The following PTPN13 variants were observed in gnomAD, a reference collection of about 807,000 sequenced individuals.
PTPN13 encodes the protein protein tyrosine phosphatase non-receptor type 13, also known as tyrosine-protein phosphatase non-receptor type 13.
Under a neutral mutation model 284.0 loss-of-function variants are expected in PTPN13, and 191 were observed. The ratio of observed to expected loss-of-function variants is 0.67; its 90% CI spans 0.60 to 0.76. The LOEUF (loss-of-function observed/expected upper bound fraction) is 0.76, where lower values mean the gene tolerates loss of function less well. Ranked by LOEUF, PTPN13 falls within the 30% of genes least tolerant of loss-of-function variation. The pLI is 0.00. For missense variants in PTPN13, 2,797 were observed against 2,939.9 expected, an observed-to-expected ratio of 0.95 and a Z score of 1.12; for synonymous variants, 986 against 1,022.3, an observed-to-expected ratio of 0.96 and a Z score of 0.68.
chr4:86,703,494 G>A (rs1165090853), intron 7 of PTPN13, among the ~76,000 whole-genome samples: 1 of 150,946 alleles, frequency 6.6e-6, no homozygotes, highest in Non-Finnish European at 1.5e-5. Context: ...TTTTGAAATA[G>A]AAATAATGAA....
chr4:86,702,909 G>A (rs533538503), intron 7 of PTPN13, among the ~76,000 whole-genome samples: 4 of 152,108 alleles, frequency 2.6e-5, no homozygotes, highest in Admixed American at 6.5e-5. Flanking sequence ...TTTTAAGATC[G>A]TTATTCTAGT....
chr4:86,746,172 A>C (rs1305257507), intron 17 of PTPN13, among the ~76,000 whole-genome samples: 1 of 152,186 alleles, frequency 6.6e-6, no homozygotes, highest in Non-Finnish European at 1.5e-5. Flanking sequence ...CAGCAGAAGA[A>C]ACTCATCTGA....
intron 2 of PTPN13, among the ~76,000 whole-genome samples, chr4:86,643,934 G>A (rs1163598989): frequency 6.6e-6 from 1 of 151,910 alleles, no homozygotes; most frequent in Non-Finnish European, 1.5e-5. Context: ...TACAGCAACA[G>A]GAGGTTTACA....
At chr4:86,748,570 C>A (rs1172123325) in intron 17 of PTPN13, among the ~76,000 whole-genome samples, 1 of 152,048 alleles carries the variant, frequency 6.6e-6, no homozygotes, top group African/African-American at 2.4e-5. Flanking sequence ...TATTTTGCTT[C>A]TTTGATTACA....
At chr4:86,765,273 C>T (rs1296155488) in intron 25 of PTPN13, 122 bp from the exon 26 acceptor site, 3 of 668,086 alleles carry the variant, frequency 4.5e-6, no homozygotes, top group Admixed American at 4.9e-5. Flanking sequence ...ATATACTGTA[C>T]ATCAGCACAT....
chr4:86,803,062 GAC>G (rs1744210874), intron 42 of PTPN13, among the ~76,000 whole-genome samples: 1 of 143,250 alleles, frequency 7.0e-6, no homozygotes, highest in Non-Finnish European at 1.5e-5. Context: ...TACAGAATAA[GAC>G]TGTGTGTGTG....
chr4:86,763,826 G>A (rs981795166), intron 24 of PTPN13, among the ~76,000 whole-genome samples: 4 of 152,038 alleles, frequency 2.6e-5, no homozygotes, highest in African/African-American at 7.2e-5. Flanking sequence ...TGGGAGGATC[G>A]CTTAAGCCCA....
At chr4:86,696,175 G>A (rs1197537374) in intron 6 of PTPN13, among the ~76,000 whole-genome samples, 7 of 151,914 alleles carry the variant, frequency 4.6e-5, no homozygotes, top group East Asian at 1.9e-4. Flanking sequence ...ACATATATAC[G>A]TATATTTGTT....
chr4:86,755,265 A>G (rs1737842951), intron 20 of PTPN13, among the ~76,000 whole-genome samples: 2 of 152,044 alleles, frequency 1.3e-5, no homozygotes, highest in African/African-American at 4.8e-5. Flanking sequence ...TAAAAAAGTC[A>G]TGATTCTTCT....
intron 2 of PTPN13, among the ~76,000 whole-genome samples, chr4:86,637,590 C>G (rs1723180848): frequency 6.6e-6 from 1 of 151,990 alleles, no homozygotes; most frequent in Non-Finnish European, 1.5e-5. Flanking sequence ...ACATGATTAT[C>G]TCAATAGAGG....
intron 32 of PTPN13, among the ~76,000 whole-genome samples, chr4:86,773,308 T>C (rs142079082): frequency 1.7e-4 from 26 of 152,330 alleles, no homozygotes; most frequent in Non-Finnish European, 3.4e-4. Context: ...GCACGTAGTA[T>C]AGTATCTGCT....
chr4:86,631,825 T>C (rs995721887), intron 1 of PTPN13, among the ~76,000 whole-genome samples: 1 of 152,182 alleles, frequency 6.6e-6, no homozygotes, highest in African/African-American at 2.4e-5. Flanking sequence ...CTTTTCATTT[T>C]TTTATTTATA....
rs142160465 is a variant in PTPN13 at position 86,791,246 on chromosome 4, G to T, written c.6345+5310G>T. Among the ~76,000 whole-genome samples, 265 of 152,304 alleles carry T rather than the reference G, an allele frequency of 1.7e-3. 1 individual carries two copies. The highest frequency in any genetic ancestry group is 5.9e-3 in the African/African-American group (245 of 41,570). On this transcript the variant is annotated intron_variant, in intron 40 of 47. Transcript: ENST00000411767. Reference sequence around the variant, plus strand: ...CCACGGAGCCTTGCTCACTGCCAGCGCAGCAGTCTGAGATCAACCTGTGAC... The same window carrying T: ...CCACGGAGCCTTGCTCACTGCCAGCTCAGCAGTCTGAGATCAACCTGTGAC...
At chr4:86,709,070 T>TAC (rs57695851) in intron 7 of PTPN13, among the ~76,000 whole-genome samples, 3,142 of 149,920 alleles carry the variant, frequency 0.021, 44 homozygotes, top group African/African-American at 0.031. Flanking sequence ...CACACACACA[T>TAC]ACACACACAC....
chr4:86,622,073 A>G (rs557113241), intron 1 of PTPN13, among the ~76,000 whole-genome samples: 12 of 152,310 alleles, frequency 7.9e-5, no homozygotes, highest in African/African-American at 2.9e-4. Flanking sequence ...TTGTTTCTCC[A>G]AAAGGTCATT....
chr4:86,785,634 C>T (rs867011259), intron 39 of PTPN13, among the ~76,000 whole-genome samples: 1 of 152,052 alleles, frequency 6.6e-6, no homozygotes, highest in African/African-American at 2.4e-5. Flanking sequence ...CATTTTCCCC[C>T]AGCCATTCTC....
At chr4:86,695,524 A>T (rs1730508027) in intron 6 of PTPN13, among the ~76,000 whole-genome samples, 1 of 152,104 alleles carries the variant, frequency 6.6e-6, no homozygotes, top group African/African-American at 2.4e-5. Context: ...ACAAACTTAT[A>T]GATGAATATC....
chr4:86,745,010 T>A lies in PTPN13; in HGVS notation c.2532T>A (p.His844Gln), dbSNP rs771422087. The A allele has an allele frequency of 4.4e-6, 7 of 1,599,312 alleles. No individual in the cohort carries two copies. The South Asian group carries it at 7.9e-5, about 18-fold the overall frequency. ...TLQNTSDGIK[H>Q]GFQTDNSKIC... ...AAAATACATCAGATGGAATAAAACA[T>A]GGCTTCCAGACAGACAACAGTAAGA... Residue 844 changes from histidine (H) to glutamine (Q), a missense_variant, in exon 17 of 48, where the codon CAT becomes CAA. Physicochemically the swap from His to Gln is conservative, Grantham distance 24. Coordinates refer to ENST00000411767, the MANE Select transcript of PTPN13 (RefSeq NM_080683.3).
At chr4:86,689,366 A>C (rs1438318614) in intron 5 of PTPN13, among the ~76,000 whole-genome samples, 176 bp downstream of exon 5, 4 of 152,194 alleles carry the variant, frequency 2.6e-5, no homozygotes, top group Non-Finnish European at 4.4e-5. Flanking sequence ...AAAATTTAGA[A>C]GCTCATTGCA....
Sources: gnomAD v4.1 joint callset for allele counts (sites outside exome capture counted in the v4.1 genomes callset) on GRCh38, gnomAD v4.1.1 for gene constraint, MANE v1.5 for transcripts, NCBI Gene and HGNC (gene_info 2026-07-23, HGNC 2026-07-21) for gene names.